The following TUT7 variants were observed in gnomAD, a reference collection of about 807,000 sequenced individuals.
TUT7 encodes terminal uridylyl transferase 7.
In TUT7, 33 loss-of-function variants were observed where a neutral mutation model predicts 165.9. The ratio of observed to expected loss-of-function variants is 0.20; its 90% confidence interval spans 0.15 to 0.27. The LOEUF (loss-of-function observed/expected upper bound fraction) is 0.27. TUT7 is among the 10% of genes least tolerant of loss of function. The pLI, the probability that TUT7 is intolerant of heterozygous loss-of-function variation, is 1.00. For missense variants in TUT7, 1,338 were observed against 1,762.3 expected, an observed-to-expected ratio of 0.76 and a Z score of 4.31; for synonymous variants, 552 against 608.1, an observed-to-expected ratio of 0.91 and a Z score of 1.36.
chr9:86,353,993 G>A (rs1832529235), intron 1 of TUT7, among the ~76,000 whole-genome samples: 1 of 152,186 alleles, frequency 6.6e-6, no homozygotes, highest in South Asian at 2.1e-4. Flanking sequence ...GCCCGACGTG[G>A]AGAAAGAGGA....
At chr9:86,333,923 C>G (rs904163122) in intron 10 of TUT7, among the ~76,000 whole-genome samples, 6 of 152,076 alleles carry the variant, frequency 3.9e-5, no homozygotes, top group Non-Finnish European at 8.8e-5. Flanking sequence ...TTTTGTCTCC[C>G]TTGTTGCCTC....
chr9:86,317,364 T>C (rs1039698960), intron 16 of TUT7, 88 bp from the exon 17 acceptor site: 30 of 1,078,382 alleles, frequency 2.8e-5, no homozygotes, highest in South Asian at 1.5e-4. Flanking sequence ...TCAGAAATAA[T>C]GTAATTAATT....
In TUT7 at chr9:86,288,473, A is replaced by G; in HGVS notation, c.*204T>C. ...CATGTCTTTCTATTAAAATCCTTAA[A>G]TCTATGGGGATGTGTGGTAGATAAG... On this transcript the variant is annotated 3_prime_UTR_variant, in exon 27 of 27. Coordinates refer to ENST00000375963, the MANE Select transcript of TUT7 (RefSeq NM_024617.4). 2 of 394,860 alleles carry G rather than the reference A, an allele frequency of 5.1e-6. No homozygotes were observed. The highest frequency in any genetic ancestry group is 9.1e-6 in the Non-Finnish European group (2 of 218,748). 24.5% of individuals were successfully genotyped at this position (394,860 alleles called of 1,614,324 possible).
chr9:86,325,583 T>C, intron 11 of TUT7, 69 bp from the exon 12 acceptor site: 2 of 1,438,058 alleles, frequency 1.4e-6, no homozygotes, highest in Non-Finnish European at 1.9e-6. Flanking sequence ...TTAAAGATCA[T>C]TTAAGCATCA....
chr9:86,338,802 G>A (rs1831071842), intron 9 of TUT7, 21 bp downstream of exon 9: 1 of 1,578,986 alleles, frequency 6.3e-7, no homozygotes. Context: ...ATGTATTCAT[G>A]CATAAAGACC....
intron 6 of TUT7, 108 bp downstream of exon 6, chr9:86,342,967 C>CA (rs1467590791): frequency 5.1e-5 from 39 of 766,644 alleles, no homozygotes; most frequent in Non-Finnish European, 8.1e-5. Context: ...GCTGTCATTA[C>CA]ACTTAAAATA....
At chr9:86,349,566 TG>T (rs1037938106) in intron 2 of TUT7, among the ~76,000 whole-genome samples, 2 of 151,772 alleles carry the variant, frequency 1.3e-5, no homozygotes, top group African/African-American at 4.8e-5. Flanking sequence ...GTACCGTATG[TG>T]GGGGGGAAAA....
chr9:86,323,795 T>C lies in TUT7; in HGVS notation c.1955A>G (p.Glu652Gly). 2 of 1,614,066 alleles carry C rather than the reference T, an allele frequency of 1.2e-6. No individual in the cohort carries two copies. Among genetic ancestry groups the C allele is most frequent in the Admixed American group, 1.7e-5 (1 of 59,986 alleles). ...KPLNAITCIS[E>G]HSKEVINHHP... Reference sequence around the variant, plus strand: ...ATGATTTATTACTTCTTTAGAATGTTCTGAAATACATGTAATTGCATTCAG... The same window carrying C: ...ATGATTTATTACTTCTTTAGAATGTCCTGAAATACATGTAATTGCATTCAG... Residue 652 changes from glutamate (E) to glycine (G), a missense_variant, in exon 13 of 27, where the codon GAA becomes GGA. By Grantham distance (98) the Glu-to-Gly change is moderately conservative. Coordinates refer to ENST00000375963, the MANE Select transcript of TUT7 (RefSeq NM_024617.4).
At chr9:86,317,034 T>G (rs1054578688) in intron 17 of TUT7, among the ~76,000 whole-genome samples, 185 bp downstream of exon 17, 6 of 152,154 alleles carry the variant, frequency 3.9e-5, no homozygotes, top group African/African-American at 1.4e-4. Context: ...AGGTTATATG[T>G]AAATACTATG....
intron 3 of TUT7, among the ~76,000 whole-genome samples, 176 bp downstream of exon 3, chr9:86,346,123 A>T (rs900376241): frequency 7.2e-5 from 11 of 152,150 alleles, no homozygotes; most frequent in Non-Finnish European, 1.0e-4. Flanking sequence ...TAAGTATAAT[A>T]GCAATGACTC....
rs538003401 is a variant in TUT7, at chr9:86,339,032, A to G, written c.1209-83T>C. The G allele has an allele frequency of 8.7e-6, 11 of 1,258,834 alleles. No individual in the cohort carries two copies. In the African/African-American group the frequency reaches 1.5e-4, roughly 18 times the overall value. The allele number at this position is 1,258,834 out of a possible 1,614,324, so 78.0% of individuals were successfully genotyped here. ...GTCTCAAAGTGTCTTTTATGCCAAC[A>G]ACTAATATACATGCATAATAAATAC... On this transcript the variant is annotated intron_variant, in intron 8 of 26. Transcript: ENST00000375963.
chr9:86,339,821 A>G (rs1464829996), intron 8 of TUT7, among the ~76,000 whole-genome samples: 1 of 152,206 alleles, frequency 6.6e-6, no homozygotes, highest in Non-Finnish European at 1.5e-5. Context: ...CTTCCTTGCT[A>G]TATTTTTTCT....
chr9:86,349,033 T>C (rs700775), intron 2 of TUT7, among the ~76,000 whole-genome samples: 88,432 of 151,794 alleles, frequency 0.58, 26,026 homozygotes, highest in African/African-American at 0.64. Context: ...AATCCCAGCA[T>C]TTTGGGAGGC....
intron 14 of TUT7, among the ~76,000 whole-genome samples, chr9:86,321,344 T>TAG (rs1829276370): frequency 6.6e-6 from 1 of 151,082 alleles, no homozygotes; most frequent in Admixed American, 6.6e-5. Flanking sequence ...GTGACAGAGC[T>TAG]AGACTTTGTC....
chr9:86,294,128 G>T (rs577992767), intron 26 of TUT7, among the ~76,000 whole-genome samples: 1 of 152,232 alleles, frequency 6.6e-6, no homozygotes, highest in Admixed American at 6.5e-5. Context: ...GTCTGTGAAT[G>T]CCTTTGTGGT....
At chr9:86,343,209 T>C in intron 5 of TUT7, 46 bp from the exon 6 acceptor site, 1 of 1,223,350 alleles carries the variant, frequency 8.2e-7, no homozygotes, top group Non-Finnish European at 1.1e-6. Flanking sequence ...CAGTAGAATT[T>C]CTCAAAAGTT....
At chr9:86,329,926 T>C (rs1386670301) in intron 10 of TUT7, among the ~76,000 whole-genome samples, 1 of 152,174 alleles carries the variant, frequency 6.6e-6, no homozygotes, top group East Asian at 1.9e-4. Context: ...AGCTCCACAT[T>C]TATCATTCTC....
At chr9:86,303,032 A>T in intron 25 of TUT7, 54 bp downstream of exon 25, 1 of 801,338 alleles carries the variant, frequency 1.2e-6, no homozygotes, top group Non-Finnish European at 2.0e-6. Context: ...TCATTTAAAA[A>T]TTGGGACATT....
At position 86,322,377 on chromosome 9, in the gene TUT7, T is replaced by C; in HGVS notation, c.2976A>G (p.Pro992=). Residue 992 remains proline (P), a synonymous_variant, in exon 14 of 27, where the codon CCA becomes CCG. Coordinates refer to ENST00000375963, the MANE Select transcript of TUT7 (RefSeq NM_024617.4). ...AGATATTTAAAAACTTGGGTGTTAA[T>C]GGTGGCAGAGGTTCTAGCTGGATTC... The part of the protein sequence containing the change: ...FKRIQLEPLP[P]LTPKFLNILD... 1 of 1,614,118 alleles carries C rather than the reference T, an allele frequency of 6.2e-7. No homozygotes were observed.
Sources: allele counts gnomAD v4.1 joint callset (sites outside exome capture counted in the v4.1 genomes callset), GRCh38; gene constraint gnomAD v4.1.1; transcripts MANE v1.5; gene names NCBI Gene and HGNC (gene_info 2026-07-23, HGNC 2026-07-21).